Variants in ANGPT4 observed in about 807,000 individuals in gnomAD.
ANGPT4 encodes the protein angiopoietin-4.
Under a neutral mutation model 53.0 loss-of-function variants are expected in ANGPT4, and 50 were observed. That is an observed-to-expected ratio of 0.94 (90% CI 0.75 to 1.20). The LOEUF is 1.20. Among genes scored for constraint, ANGPT4 ranks in the 50% most tolerant of loss-of-function variants. The pLI, the probability that ANGPT4 is intolerant of heterozygous loss-of-function variation, is 0.00. For missense variants in ANGPT4, 648 were observed against 637.1 expected (o/e 1.02, Z -0.18); for synonymous variants, 251 against 259.7 (o/e 0.97, Z 0.32).
chr20:897,782 C>T (rs1296536544), intron 1 of ANGPT4, among the ~76,000 whole-genome samples: 1 of 152,144 alleles, frequency 6.6e-6, no homozygotes, highest in Non-Finnish European at 1.5e-5. Flanking sequence ...AACCTTCCAC[C>T]CTGCATTCCC....
chr20:888,323 T>G lies in ANGPT4; in HGVS notation c.582A>C (p.Gln194His). The part of the protein sequence containing the change: ...QRQKLQQLQG[Q>H]NSALEKRLQA... Reference sequence around the variant, plus strand: ...GTGCCAGGTGCCACACCCACCTGTTTTGGCCCTGAAGCTGCTGGAGCTTCT... The same window carrying G: ...GTGCCAGGTGCCACACCCACCTGTTGTGGCCCTGAAGCTGCTGGAGCTTCT... The change falls in exon 3 of 9, where the codon CAA (glutamine) becomes CAC (histidine). Residue 194 changes from glutamine to histidine, a missense_variant. Physicochemically the swap from Gln to His is conservative, Grantham distance 24. Coordinates refer to ENST00000381922, the MANE Select transcript of ANGPT4 (RefSeq NM_015985.4). 6.2e-7 allele frequency: 1 copy of G among 1,613,158 alleles called. No homozygotes were observed. Among genetic ancestry groups the G allele is most frequent in the Non-Finnish European group, 8.5e-7 (1 of 1,179,672 alleles).
At chr20:912,061 G>T (rs1037425506) in intron 1 of ANGPT4, among the ~76,000 whole-genome samples, 4 of 152,162 alleles carry the variant, frequency 2.6e-5, no homozygotes, top group African/African-American at 9.7e-5. Flanking sequence ...GCTGCCCTCA[G>T]GTGGTGGGGG....
At chr20:878,109 G>T in intron 7 of ANGPT4, 52 bp downstream of exon 7, 4 of 1,540,444 alleles carry the variant, frequency 2.6e-6, no homozygotes, top group Non-Finnish European at 3.5e-6. Flanking sequence ...ACCCCAGCCC[G>T]CCCACTAGCT....
intron 2 of ANGPT4, 125 bp from the exon 3 acceptor site, chr20:888,564 G>C (rs1232615239): frequency 1.4e-6 from 2 of 1,433,802 alleles, no homozygotes; most frequent in East Asian, 5.0e-5. Context: ...CCCAGTCGTA[G>C]TTCCTGTGGT....
chr20:884,619 G>T (rs1981535700), intron 4 of ANGPT4, among the ~76,000 whole-genome samples: 1 of 152,200 alleles, frequency 6.6e-6, no homozygotes, highest in Non-Finnish European at 1.5e-5. Context: ...GGCCCTCTTG[G>T]GCTTAGGGGC....
In ANGPT4 at chr20:878,283, C is replaced by T. The variant is rs573758146; in HGVS notation, c.1098G>A (p.Val366=). 45 of 1,610,884 alleles carry T rather than the reference C, an allele frequency of 2.8e-5. No homozygotes were observed. In the African/African-American group the frequency reaches 5.6e-4, roughly 20 times the overall value. ...PAGEHWLGNE[V]VHQLTRRAAY... ...CTGCCCTTCTGGTGAGCTGGTGCAC[C>T]ACTTCATTGCCCAGCCAGTGCTCCC... The change falls in exon 7 of 9, where the codon GTG becomes GTA. Residue 366 remains valine, a synonymous_variant. Transcript: ENST00000381922.
intron 3 of ANGPT4, among the ~76,000 whole-genome samples, chr20:886,336 C>T (rs1981618908): frequency 1.3e-5 from 2 of 152,096 alleles, no homozygotes; most frequent in African/African-American, 4.8e-5. Context: ...AAGCAGGGAC[C>T]ACATATGGTG....
At chr20:902,091 G>T (rs34499029) in intron 1 of ANGPT4, among the ~76,000 whole-genome samples, 120 of 152,136 alleles carry the variant, frequency 7.9e-4, no homozygotes, top group Non-Finnish European at 1.3e-3. Flanking sequence ...CAAAAACCGA[G>T]AAGATCAAAC....
intron 1 of ANGPT4, among the ~76,000 whole-genome samples, chr20:913,115 C>T (rs889602698): frequency 6.6e-6 from 1 of 152,116 alleles, no homozygotes; most frequent in African/African-American, 2.4e-5. Flanking sequence ...GCTTGTTCAT[C>T]CCTAATGGCA....
In ANGPT4 at chr20:911,857, AG is replaced by A. The variant is rs1982714914; in HGVS notation, c.309+4048del. Among the ~76,000 whole-genome samples the A allele has an allele frequency of 1.3e-5, 1 of 74,176 alleles. No individual in the cohort carries two copies. Among genetic ancestry groups the A allele is most frequent in the Admixed American group, 1.3e-4 (1 of 7,872 alleles). 48.7% of individuals were successfully genotyped at this position (74,176 alleles called of 152,430 possible). A position where few individuals can be genotyped will look rare whatever the true frequency, so the allele number is the denominator to read the frequency against. On this transcript the variant is annotated intron_variant, in intron 1 of 8. Transcript: ENST00000381922. The surrounding 1 kb of genome is among the most constrained non-coding windows in gnomAD (Gnocchi z 4.9). ...GAGGGAGAGAGGGACAGAGAGAGGG[AG>A]AGAGAGACAGAGAGAGGGAGAAAGA...
chr20:877,467 G>T (rs1436849551), intron 7 of ANGPT4, among the ~76,000 whole-genome samples: 1 of 152,122 alleles, frequency 6.6e-6, no homozygotes, highest in Non-Finnish European at 1.5e-5. Flanking sequence ...TTGTAACTTT[G>T]GGCAGGATAC....
intron 4 of ANGPT4, among the ~76,000 whole-genome samples, chr20:882,303 G>A (rs1981439812): frequency 1.3e-5 from 2 of 152,188 alleles, no homozygotes; most frequent in African/African-American, 4.8e-5. Flanking sequence ...AATCCAGTTA[G>A]AGGTTTGAAC....
intron 1 of ANGPT4, among the ~76,000 whole-genome samples, chr20:903,424 A>T (rs776872278): frequency 6.6e-6 from 1 of 151,884 alleles, no homozygotes; most frequent in African/African-American, 2.4e-5. Flanking sequence ...CCCAGCCCCC[A>T]TTGTCTCTAG....
chr20:890,288 G>A lies in ANGPT4; in HGVS notation c.390C>T (p.Pro130=). ...QQQMAQNQTA[P]MLELGTSLLN... is the part of the protein sequence containing the mutation. ...GGAGGCTGGTGCCCAGCTCTAGCAT[G>A]GGGGCCGTCTGATTCTGGGCCATTT... The change falls in exon 2 of 9, where the codon CCC becomes CCT. Residue 130 remains proline (P), a synonymous_variant. Coordinates refer to ENST00000381922, the MANE Select transcript of ANGPT4 (RefSeq NM_015985.4). 1 of 1,613,900 alleles carries A rather than the reference G, an allele frequency of 6.2e-7. No individual in the cohort carries two copies.
Position 916,217 on chromosome 20 carries a change from GAA to G in ANGPT4, c.-5_-4del, listed in dbSNP as rs972144749. The G allele has an allele frequency of 2.5e-6, 4 of 1,610,688 alleles. No individual in the cohort carries two copies. The highest frequency in any genetic ancestry group is 2.5e-6 in the Non-Finnish European group (3 of 1,177,768). On this transcript the variant is annotated 5_prime_UTR_variant, in exon 1 of 9. Coordinates refer to ENST00000381922, the MANE Select transcript of ANGPT4 (RefSeq NM_015985.4). ...AGCATGGCTAGCTGGGAGAGCATCT[GAA>G]GATGTGTCAATGGCGAGGGATGTCT... is the stretch of plus-strand genomic sequence containing the variant.
chr20:884,793 G>T (rs967941347), intron 4 of ANGPT4, among the ~76,000 whole-genome samples: 8 of 152,132 alleles, frequency 5.3e-5, no homozygotes, highest in Non-Finnish European at 1.2e-4. Flanking sequence ...AGTCTGGATT[G>T]CTGTTGCCCT....
At chr20:899,455 G>T (rs142082210) in intron 1 of ANGPT4, among the ~76,000 whole-genome samples, 1 of 151,758 alleles carries the variant, frequency 6.6e-6, no homozygotes, top group Non-Finnish European at 1.5e-5. Context: ...GGGTTTCACC[G>T]TGTTAGCCAG....
chr20:888,482 T>C (rs764236060), intron 2 of ANGPT4, 43 bp from the exon 3 acceptor site: 23 of 1,580,050 alleles, frequency 1.5e-5, no homozygotes, highest in Non-Finnish European at 2.0e-5. Context: ...GCGTAAGCGC[T>C]ACAGGAGCCC....
At chr20:888,552 C>T (rs1271302140) in intron 2 of ANGPT4, 113 bp from the exon 3 acceptor site, 1 of 1,473,308 alleles carries the variant, frequency 6.8e-7, no homozygotes, top group African/African-American at 1.4e-5. Context: ...CATTTCCACT[C>T]TCCCAGTCGT....
Sources: gnomAD v4.1 joint callset for allele counts (sites outside exome capture counted in the v4.1 genomes callset) on GRCh38, gnomAD v4.1.1 for gene constraint, Gnocchi (gnomAD v3.1) non-coding constraint, MANE v1.5 for transcripts, NCBI Gene and HGNC (gene_info 2026-07-23, HGNC 2026-07-21) for gene names.